Variants in VPS26B observed in about 807,000 individuals in gnomAD.
VPS26B encodes the protein vacuolar protein sorting-associated protein 26B.
Under a neutral mutation model 33.3 loss-of-function variants are expected in VPS26B, and 10 were observed. That is an observed-to-expected ratio of 0.30 (90% CI 0.19 to 0.51). The LOEUF is 0.51. Among genes scored for constraint, VPS26B ranks in the 20% least tolerant of loss-of-function variants. The pLI, the probability that VPS26B is intolerant of heterozygous loss-of-function variation, is 0.98. For missense variants in VPS26B, 317 were observed against 452.7 expected, an observed-to-expected ratio of 0.70 and a Z score of 2.72; for synonymous variants, 190 against 176.9, an observed-to-expected ratio of 1.07 and a Z score of -0.59.
rs1290009980 is a variant in VPS26B at position 134,225,220 on chromosome 11, A to G, written c.98A>G (p.Lys33Arg). The change falls in exon 1 of 6, where the codon AAG (lysine) becomes AGG (arginine). Residue 33 changes from lysine to arginine, a missense_variant. Lys to Arg is a conservative substitution (Grantham distance 26). Transcript: ENST00000281187. ...KRAEHKTEDG[K>R]KEKYFLFYDG... ...GCCGAGCACAAGACGGAGGACGGGA[A>G]GAAGGAGAAATATTTCCTCTTCTAC... 1.2e-6 allele frequency: 2 copies of G among 1,614,048 alleles called. No individual in the cohort carries two copies. The highest frequency in any genetic ancestry group is 1.7e-6 in the Non-Finnish European group (2 of 1,179,960).
At chr11:134,237,905 GAA>G (rs913742340) in intron 2 of VPS26B, among the ~76,000 whole-genome samples, 5 of 152,190 alleles carry the variant, frequency 3.3e-5, no homozygotes, top group Admixed American at 6.5e-5. Context: ...GAAAGGAAAA[GAA>G]AGTATGGTAG....
Position 134,240,122 on chromosome 11 carries a change from G to C in VPS26B, c.512G>C (p.Cys171Ser), listed in dbSNP as rs773229617. 2 of 1,614,236 alleles carry C rather than the reference G, an allele frequency of 1.2e-6. No homozygotes were observed. The highest frequency in any genetic ancestry group is 1.7e-6 in the Non-Finnish European group (2 of 1,180,050). ...AAGATGGAGGTTGGGATTGAGGACT[G>C]TCTGCACATTGAATTTGAGTACAAT... is the stretch of plus-strand genomic sequence containing the variant. Reference protein sequence around the residue: ...SIKMEVGIEDCLHIEFEYNKS... With the variant: ...SIKMEVGIEDSLHIEFEYNKS... The change falls in exon 3 of 6, where the codon TGT becomes TCT. Residue 171 changes from cysteine to serine, a missense_variant. Physicochemically the swap from Cys to Ser is moderately radical, Grantham distance 112. Transcript: ENST00000281187. This position sits in a 1 kb window ranked among gnomAD's most constrained non-coding sequence, Gnocchi z 4.4.
At chr11:134,234,254 C>T (rs965088694) in intron 1 of VPS26B, among the ~76,000 whole-genome samples, 2 of 152,210 alleles carry the variant, frequency 1.3e-5, no homozygotes, top group African/African-American at 2.4e-5. Flanking sequence ...TGAGTATTTG[C>T]TGTGTACTAG....
intron 2 of VPS26B, among the ~76,000 whole-genome samples, chr11:134,238,753 G>A (rs375509558): frequency 7.2e-5 from 11 of 151,864 alleles, no homozygotes; most frequent in Admixed American, 4.6e-4. Flanking sequence ...CCGCCACCAC[G>A]CCCGGCTAAT....
intron 1 of VPS26B, among the ~76,000 whole-genome samples, chr11:134,229,839 G>C (rs1023768665): frequency 2.6e-5 from 4 of 152,056 alleles, no homozygotes; most frequent in African/African-American, 7.2e-5. Flanking sequence ...CCTCCCTATT[G>C]GTTAATGGGG....
chr11:134,245,603 G>A lies in VPS26B; in HGVS notation c.*13G>A, dbSNP rs758003125. 15 of 1,598,896 alleles carry A rather than the reference G, an allele frequency of 9.4e-6. No individual in the cohort carries two copies. The highest frequency in any genetic ancestry group is 2.7e-5 in the African/African-American group (2 of 74,710). On this transcript the variant is annotated 3_prime_UTR_variant, in exon 6 of 6. Coordinates refer to ENST00000281187, the MANE Select transcript of VPS26B (RefSeq NM_052875.5). This position sits in a 1 kb window ranked among gnomAD's most constrained non-coding sequence, Gnocchi z 4.7. ...CTGCAGGCAGTAGGCCCCCAGGGCCGAGAAGATGCTGGGCACCCACCCAGC... is the reference window on the plus strand; with the variant it reads ...CTGCAGGCAGTAGGCCCCCAGGGCCAAGAAGATGCTGGGCACCCACCCAGC...
intron 1 of VPS26B, among the ~76,000 whole-genome samples, chr11:134,230,918 G>A (rs1052024059): frequency 2.6e-5 from 4 of 152,188 alleles, no homozygotes; most frequent in Non-Finnish European, 2.9e-5. Context: ...CACATGTGGT[G>A]AGGGCATCTC....
chr11:134,230,941 C>T (rs943009590), intron 1 of VPS26B, among the ~76,000 whole-genome samples: 10 of 152,170 alleles, frequency 6.6e-5, no homozygotes, highest in Non-Finnish European at 1.3e-4. Flanking sequence ...GGGTCAGGCC[C>T]ATGGGACAGA....
chr11:134,235,263 AT>A, intron 2 of VPS26B: 1 of 518,442 alleles, frequency 1.9e-6, no homozygotes, highest in Non-Finnish European at 3.3e-6. Context: ...TGTAGTGTAC[AT>A]AGCCCCGCCA....
In VPS26B at chr11:134,245,030, C is replaced by T; in HGVS notation, c.814C>T (p.Leu272Phe). 2.5e-6 allele frequency: 4 copies of T among 1,614,190 alleles called. No individual in the cohort carries two copies. The highest frequency in any genetic ancestry group is 3.4e-6 in the Non-Finnish European group (4 of 1,180,036). The stretch of plus-strand genomic sequence containing the variant: ...CAAGAAGTTCTCTGTGCGCTATTAC[C>T]TCAACCTGGTGCTGATAGACGAGGA... ...INKKFSVRYY[L>F]NLVLIDEEER... is the part of the protein sequence containing the mutation. Residue 272 changes from leucine to phenylalanine, a missense_variant, in exon 5 of 6, where the codon CTC becomes TTC. Coordinates refer to ENST00000281187, the MANE Select transcript of VPS26B (RefSeq NM_052875.5). This position sits in a 1 kb window ranked among gnomAD's most constrained non-coding sequence, Gnocchi z 4.7.
At position 134,240,228 on chromosome 11, in the gene VPS26B, A is replaced by C; in HGVS notation, c.545+73A>C. ...AAGATGGGACTTGATGCAGATGCAAACTGATGACCCTCTGTGACTCGACTG... is the reference window on the plus strand; with the variant it reads ...AAGATGGGACTTGATGCAGATGCAACCTGATGACCCTCTGTGACTCGACTG... On this transcript the variant is annotated intron_variant, in intron 3 of 5. Transcript: ENST00000281187. The surrounding 1 kb of genome is among the most constrained non-coding windows in gnomAD (Gnocchi z 4.4). 1 of 1,531,350 alleles carries C rather than the reference A, an allele frequency of 6.5e-7. No individual in the cohort carries two copies. The allele number at this position is 1,531,350 out of a possible 1,614,324, so 94.9% of individuals were successfully genotyped here. A position where few individuals can be genotyped will look rare whatever the true frequency, so the allele number is the denominator to read the frequency against.
At chr11:134,242,986 G>A in intron 3 of VPS26B, 133 bp from the exon 4 acceptor site, 1 of 813,882 alleles carries the variant, frequency 1.2e-6, no homozygotes, top group Non-Finnish European at 2.0e-6. Context: ...AGCCATGTGG[G>A]CAGTGATGGG....
At position 134,244,885 on chromosome 11, in the gene VPS26B, A is replaced by T. The variant is rs1166035570; in HGVS notation, c.722-53A>T. On this transcript the variant is annotated intron_variant, in intron 4 of 5. Coordinates refer to ENST00000281187, the MANE Select transcript of VPS26B (RefSeq NM_052875.5). The surrounding 1 kb of genome is among the most constrained non-coding windows in gnomAD (Gnocchi z 4.0). ...GCAGTGGTCAGAGTGACCTGGTATA[A>T]GGGAGAGGGCATCACCTTGCCCCCT... 6.3e-7 allele frequency: 1 copy of T among 1,588,638 alleles called. No individual in the cohort carries two copies. Among genetic ancestry groups the T allele is most frequent in the Admixed American group, 1.7e-5 (1 of 58,504 alleles).
In VPS26B at chr11:134,247,254, G is replaced by A. The variant is rs1376780620; in HGVS notation, c.*1664G>A. 1 of 152,200 alleles carries A rather than the reference G, an allele frequency of 6.6e-6. No individual in the cohort carries two copies. Among genetic ancestry groups the A allele is most frequent in the Non-Finnish European group, 1.5e-5 (1 of 68,036 alleles). 9.4% of individuals were successfully genotyped at this position (152,200 alleles called of 1,614,324 possible). On this transcript the variant is annotated 3_prime_UTR_variant, in exon 6 of 6. Coordinates refer to ENST00000281187, the MANE Select transcript of VPS26B (RefSeq NM_052875.5). ...GGATCACCCATGCGCTGCCCTTGAT[G>A]ATCAAGGTTGGGGCTTAAGTGGATA...
rs1938692342 is a variant in VPS26B, at chr11:134,239,994, T to C, written c.384T>C (p.Tyr128=). 1.2e-6 allele frequency: 2 copies of C among 1,614,170 alleles called. No homozygotes were observed. Among genetic ancestry groups the C allele is most frequent in the East Asian group, 4.5e-5 (2 of 44,886 alleles). ...ATGACAGTTCCGTCTCCTACAGCTA[T>C]TTCCTTCGTGCTACCATCAGCCGCC... ...SYTGQNVKLR[Y]FLRATISRRL... The change falls in exon 3 of 6, where the codon TAT becomes TAC. Residue 128 remains tyrosine, a synonymous_variant. Coordinates refer to ENST00000281187, the MANE Select transcript of VPS26B (RefSeq NM_052875.5).
intron 2 of VPS26B, among the ~76,000 whole-genome samples, chr11:134,236,968 C>T (rs956565131): frequency 1.3e-5 from 2 of 152,094 alleles, no homozygotes; most frequent in African/African-American, 2.4e-5. Context: ...TTATGTTATA[C>T]GTATTTTGCC....
Position 134,243,123 on chromosome 11 carries a change from C to G in VPS26B, c.550C>G (p.His184Asp). The G allele has an allele frequency of 1.2e-6, 2 of 1,614,052 alleles. No homozygotes were observed. ...IEFEYNKSKY[H>D]LKDVIVGKIY... ...TCTGTACTTTCTGTTCCCCAGATAC[C>G]ACTTGAAAGATGTCATTGTAGGGAA... Residue 184 changes from histidine (H) to aspartate (D), a missense_variant, in exon 4 of 6, where the codon CAC becomes GAC. Transcript: ENST00000281187.
intron 3 of VPS26B, among the ~76,000 whole-genome samples, chr11:134,241,846 G>A (rs936071143): frequency 6.6e-6 from 1 of 152,180 alleles, no homozygotes; most frequent in Non-Finnish European, 1.5e-5. Flanking sequence ...GAAGTTGGGC[G>A]GTCAGCAGAT....
At chr11:134,229,689 C>T (rs1297156732) in intron 1 of VPS26B, among the ~76,000 whole-genome samples, 1 of 152,232 alleles carries the variant, frequency 6.6e-6, no homozygotes, top group East Asian at 1.9e-4. Context: ...CTCAATGCCA[C>T]TGCCTTTTAT....
Sources: gnomAD v4.1 joint callset for allele counts (sites outside exome capture counted in the v4.1 genomes callset) on GRCh38, gnomAD v4.1.1 for gene constraint, Gnocchi (gnomAD v3.1) non-coding constraint, MANE v1.5 for transcripts, NCBI Gene and HGNC (gene_info 2026-07-23, HGNC 2026-07-21) for gene names.